TEX2: variants seen among roughly 807,000 people sequenced by gnomAD.
TEX2 encodes testis-expressed protein 2.
In TEX2, 53 loss-of-function variants were observed where a neutral mutation model predicts 106.9. The ratio of observed to expected loss-of-function variants is 0.50; its 90% CI spans 0.40 to 0.62. TEX2 has a LOEUF of 0.62. TEX2 is among the 20% of genes least tolerant of loss of function. The probability of loss-of-function intolerance (pLI) is 0.00; values close to 1 mark genes in which losing one functional copy is unlikely to be tolerated. For synonymous variants in TEX2, 523 were observed against 534.8 expected, an observed-to-expected ratio of 0.98 and a Z score of 0.30; for missense variants, 1,207 against 1,379.0, an observed-to-expected ratio of 0.88 and a Z score of 1.98.
In TEX2 at chr17:64,155,331, CAGAA is replaced by C. The variant is rs1182451291; in HGVS notation, c.2805-368_2805-365del. The C allele has an allele frequency of 1.7e-5, 3 of 177,038 alleles. No homozygotes were observed. The Admixed American group carries it at 1.9e-4, about 11-fold the overall frequency. The allele number at this position is 177,038 out of a possible 1,614,324, so 11.0% of individuals were successfully genotyped here. A position where few individuals can be genotyped will look rare whatever the true frequency, so the allele number is the denominator to read the frequency against. ...CAGCGGAGCCACACGGGAGGATGAA[CAGAA>C]AGAGCGGATGGTTGCAAGAGTGAGG... On this transcript the variant is annotated intron_variant, in intron 8 of 11. Coordinates refer to ENST00000584379, the MANE Select transcript of TEX2 (RefSeq NM_001288732.2).
chr17:64,219,441 G>A (rs1240519319), intron 1 of TEX2, among the ~76,000 whole-genome samples: 2 of 151,620 alleles, frequency 1.3e-5, no homozygotes, highest in Non-Finnish European at 2.9e-5. Flanking sequence ...GAGAGAAGGA[G>A]GTTTCAGTAA....
At chr17:64,227,941 T>C (rs2033552207) in intron 1 of TEX2, among the ~76,000 whole-genome samples, 2 of 152,248 alleles carry the variant, frequency 1.3e-5, no homozygotes, top group Non-Finnish European at 2.9e-5. Flanking sequence ...TCATGCATGA[T>C]TTTTAATCGC....
intron 7 of TEX2, among the ~76,000 whole-genome samples, chr17:64,167,247 G>GC (rs1457343164): frequency 6.6e-6 from 1 of 152,212 alleles, no homozygotes; most frequent in African/African-American, 2.4e-5. Context: ...TCTTACAGCA[G>GC]CAAGGCCATG....
chr17:64,200,761 T>C (rs1299225321), intron 2 of TEX2, among the ~76,000 whole-genome samples: 2 of 152,128 alleles, frequency 1.3e-5, no homozygotes, highest in African/African-American at 4.8e-5. Flanking sequence ...AGAAAGAGAA[T>C]CTAGGAGATG....
chr17:64,172,903 T>A (rs2031470787), intron 6 of TEX2, among the ~76,000 whole-genome samples: 1 of 152,242 alleles, frequency 6.6e-6, no homozygotes, highest in Non-Finnish European at 1.5e-5. Flanking sequence ...TAAAAATTCC[T>A]ACTTCATCTC....
chr17:64,190,886 T>A (rs957477784), intron 4 of TEX2, among the ~76,000 whole-genome samples: 26 of 152,166 alleles, frequency 1.7e-4, no homozygotes, highest in Admixed American at 1.4e-3. Context: ...GGTGACAGCA[T>A]CCCTGAGGGA....
At chr17:64,259,331 T>C (rs1227635996) in intron 1 of TEX2, among the ~76,000 whole-genome samples, 1 of 152,198 alleles carries the variant, frequency 6.6e-6, no homozygotes, top group African/African-American at 2.4e-5. Flanking sequence ...GCAGTGTAAT[T>C]ACGCATTATA....
Position 64,153,582 on chromosome 17 carries a change from T to C in TEX2, c.2931-428A>G, listed in dbSNP as rs16947499. Among the ~76,000 whole-genome samples the C allele has an allele frequency of 0.018, 2,682 of 152,240 alleles. 82 individuals carry two copies. Among genetic ancestry groups the C allele is most frequent in the African/African-American group, 0.061 (2,545 of 41,520 alleles). The stretch of plus-strand genomic sequence containing the variant: ...AGACAGAAATCCAATGACATATCAA[T>C]CTCATAATCTCCATGCAGCAAGTAA... On this transcript the variant is annotated intron_variant, in intron 9 of 11. Transcript: ENST00000584379. This position sits in a 1 kb window ranked among gnomAD's most constrained non-coding sequence, Gnocchi z 4.1.
rs3070736 is a variant in TEX2, at chr17:64,168,902, C to CTTTTTTTTTTT, written c.2671+2187_2671+2197dup. Among the ~76,000 whole-genome samples, 25 of 106,938 alleles carry CTTTTTTTTTTT rather than the reference C, an allele frequency of 2.3e-4. 2 individuals are homozygous for CTTTTTTTTTTT. Among genetic ancestry groups the CTTTTTTTTTTT allele is most frequent in the African/African-American group, 3.9e-4 (11 of 27,902 alleles). The allele number at this position is 106,938 out of a possible 152,430, so 70.2% of individuals were successfully genotyped here. ...CTATGCAGTGAACACATAGATGGTG[C>CTTTTTTTTTTT]TTTTTTTTTTTTTTTTTGAGACAGA... is the stretch of plus-strand genomic sequence containing the variant. On this transcript the variant is annotated intron_variant, in intron 7 of 11. Transcript: ENST00000584379.
intron 1 of TEX2, chr17:64,242,279 C>T (rs1244159016): frequency 6.6e-6 from 1 of 152,214 alleles, no homozygotes; most frequent in Admixed American, 6.5e-5. Flanking sequence ...TCAGATGTCA[C>T]TATTCAATGG....
chr17:64,150,602 CCAAATCTTTT>C, intron 11 of TEX2: 1 of 283,100 alleles, frequency 3.5e-6, no homozygotes. Context: ...TTGCTCTGAC[CCAAATCTTTT>C]GGGTTTCCTC....
chr17:64,247,455 G>C (rs2143453402), intron 1 of TEX2, among the ~76,000 whole-genome samples: 1 of 152,266 alleles, frequency 6.6e-6, no homozygotes, highest in Middle Eastern at 3.4e-3. Context: ...CACCTGGCTA[G>C]GATGACGTGT....
At chr17:64,191,979 A>C (rs1233094978) in intron 4 of TEX2, among the ~76,000 whole-genome samples, 2 of 152,216 alleles carry the variant, frequency 1.3e-5, no homozygotes, top group Admixed American at 1.3e-4. Context: ...CTTTTATTGG[A>C]CTAAGACTTT....
At chr17:64,239,077 G>A (rs2033829794) in intron 1 of TEX2, 1 of 152,212 alleles carries the variant, frequency 6.6e-6, no homozygotes, top group African/African-American at 2.4e-5. Flanking sequence ...CTGAGTCAGA[G>A]AAATTGAATA....
chr17:64,164,815 A>T (rs2031052716), intron 7 of TEX2, among the ~76,000 whole-genome samples: 1 of 152,246 alleles, frequency 6.6e-6, no homozygotes, highest in South Asian at 2.1e-4. Context: ...GGGTGGCCAC[A>T]ACCACAAGAG....
At chr17:64,191,928 T>C (rs915300941) in intron 4 of TEX2, among the ~76,000 whole-genome samples, 3 of 152,172 alleles carry the variant, frequency 2.0e-5, no homozygotes, top group Non-Finnish European at 4.4e-5. Flanking sequence ...TATTTCAACA[T>C]GTAACCAATA....
At chr17:64,210,873 G>T (rs1555631446) in intron 2 of TEX2, among the ~76,000 whole-genome samples, 1 of 151,940 alleles carries the variant, frequency 6.6e-6, no homozygotes, top group East Asian at 1.9e-4. Context: ...GCAGGTCTAG[G>T]CATGAACCTT....
At chr17:64,214,873 T>TA (rs1329774766) in intron 1 of TEX2, among the ~76,000 whole-genome samples, 9 of 152,232 alleles carry the variant, frequency 5.9e-5, no homozygotes, top group African/African-American at 2.2e-4. Flanking sequence ...CCAGAGTATT[T>TA]AGGCAGCCAT....
chr17:64,224,702 C>T (rs899970940), intron 1 of TEX2, among the ~76,000 whole-genome samples: 3 of 152,112 alleles, frequency 2.0e-5, no homozygotes, highest in African/African-American at 7.2e-5. Context: ...AGGCCCACTC[C>T]CTTCCACCAC....
Sources: allele counts gnomAD v4.1 joint callset (sites outside exome capture counted in the v4.1 genomes callset), GRCh38; gene constraint gnomAD v4.1.1; non-coding constraint Gnocchi (gnomAD v3.1); transcripts MANE v1.5; gene names NCBI Gene and HGNC (gene_info 2026-07-23, HGNC 2026-07-21).